CCNF: variants seen among roughly 807,000 people sequenced by gnomAD.
CCNF encodes cyclin-F.
CCNF carries 30 observed loss-of-function variants against 85.4 expected under a neutral mutation model. The observed-to-expected ratio is 0.35, with a 90% CI of 0.26 to 0.48. The LOEUF (loss-of-function observed/expected upper bound fraction) is 0.48. CCNF is among the 20% of genes least tolerant of loss of function. CCNF has a pLI of 0.99. For synonymous variants in CCNF, 439 were observed against 425.1 expected (o/e 1.03, Z -0.40); for missense variants, 919 against 1,010.4 (o/e 0.91, Z 1.23).
At position 2,453,219 on chromosome 16, in the gene CCNF, T is replaced by C. The variant is rs2065404410; in HGVS notation, c.1497T>C (p.Asp499=). The C allele has an allele frequency of 6.2e-7, 1 of 1,613,708 alleles. No homozygotes were observed. Among genetic ancestry groups the C allele is most frequent in the Non-Finnish European group, 8.5e-7 (1 of 1,180,010 alleles). The change falls in exon 14 of 17, where the codon GAT becomes GAC. Residue 499 remains aspartate (D), a synonymous_variant. Coordinates refer to ENST00000397066, the MANE Select transcript of CCNF (RefSeq NM_001761.3). The surrounding 1 kb of genome is among the most constrained non-coding windows in gnomAD (Gnocchi z 5.6). The part of the protein sequence containing the change: ...VLSLHKKCFH[D]DAPKDYRQVS... ...GTGACTCTGTTTCCAGCTTCCATGA[T>C]GACGCCCCCAAGGACTACAGGCAAG...
chr16:2,432,500 C>G lies in CCNF; in HGVS notation c.172-461C>G, dbSNP rs936491987. On this transcript the variant is annotated intron_variant, in intron 2 of 16. Transcript: ENST00000397066. ...CCTGGACACTCCTGCGTTGGCCCAG[C>G]GCTTAGGCTCCGGGTTCTACCTGAG... 3.9e-5 allele frequency among the ~76,000 whole-genome samples: 6 copies of G among 152,260 alleles called. No homozygotes were observed. In the East Asian group the frequency reaches 9.6e-4, roughly 24 times the overall value.
chr16:2,447,299 C>T (rs542388461), intron 10 of CCNF, among the ~76,000 whole-genome samples: 29 of 149,418 alleles, frequency 1.9e-4, no homozygotes, highest in Non-Finnish European at 4.1e-4. Context: ...TTTTTAAATC[C>T]GGGGACCAGG....
At chr16:2,433,201 G>T in intron 3 of CCNF, 134 bp downstream of exon 3, 1 of 609,006 alleles carries the variant, frequency 1.6e-6, no homozygotes, top group Non-Finnish European at 3.0e-6. Context: ...ATACCCTGGG[G>T]AGTGACTGAG....
chr16:2,448,835 A>T lies in CCNF; in HGVS notation c.1095-20A>T, dbSNP rs1462407963. The stretch of plus-strand genomic sequence containing the variant: ...CCCAGGAAGTGGGCTCCACCCTGAG[A>T]CCCCTTCTCGGCGTTGCAGGTTTAT... On this transcript the variant is annotated intron_variant, in intron 10 of 16. Coordinates refer to ENST00000397066, the MANE Select transcript of CCNF (RefSeq NM_001761.3). 1.2e-6 allele frequency: 2 copies of T among 1,611,536 alleles called. No homozygotes were observed. The highest frequency in any genetic ancestry group is 1.7e-6 in the Non-Finnish European group (2 of 1,178,396).
At position 2,451,772 on chromosome 16, in the gene CCNF, C is replaced by T. The variant is rs1567390328; in HGVS notation, c.1488-1438C>T. On this transcript the variant is annotated intron_variant, in intron 13 of 16. Transcript: ENST00000397066. The surrounding 1 kb of genome is among the most constrained non-coding windows in gnomAD (Gnocchi z 4.3). ...TCCCTCCCTCGGGGGCTTCGGCTTCCTGCCCTAGGCCATGCGGCCTAGGTG... is the reference window on the plus strand; with the variant it reads ...TCCCTCCCTCGGGGGCTTCGGCTTCTTGCCCTAGGCCATGCGGCCTAGGTG... Among the ~76,000 whole-genome samples the T allele has an allele frequency of 6.6e-6, 1 of 152,206 alleles. No homozygotes were observed. The highest frequency in any genetic ancestry group is 1.5e-5 in the Non-Finnish European group (1 of 68,026).
intron 1 of CCNF, chr16:2,430,927 T>C (rs774453479): frequency 4.1e-6 from 3 of 738,134 alleles, no homozygotes; most frequent in Non-Finnish European, 7.3e-6. Flanking sequence ...AAATGAATGA[T>C]CTCTTCTGTA....
chr16:2,447,836 C>T (rs979489582), intron 10 of CCNF, among the ~76,000 whole-genome samples: 1 of 152,210 alleles, frequency 6.6e-6, no homozygotes, highest in African/African-American at 2.4e-5. Context: ...ATCTCACACC[C>T]CACGCTGGGC....
At position 2,458,748 on chromosome 16, in the gene CCNF, T is replaced by G. The variant is rs2065446445; in HGVS notation, c.*1728T>G. Reference sequence around the variant, plus strand: ...AACTGTAGACCCGTCCTGTCGACTGTGTGCCCCTGGGCATGTGTGAGCCTC... The same window carrying G: ...AACTGTAGACCCGTCCTGTCGACTGGGTGCCCCTGGGCATGTGTGAGCCTC... On this transcript the variant is annotated 3_prime_UTR_variant, in exon 17 of 17. Transcript: ENST00000397066. 1.3e-5 allele frequency: 2 copies of G among 152,302 alleles called. No homozygotes were observed. Among genetic ancestry groups the G allele is most frequent in the African/African-American group, 4.8e-5 (2 of 41,424 alleles). 9.4% of individuals were successfully genotyped at this position (152,302 alleles called of 1,614,324 possible). A position where few individuals can be genotyped will look rare whatever the true frequency, so the allele number is the denominator to read the frequency against.
intron 2 of CCNF, among the ~76,000 whole-genome samples, chr16:2,431,764 A>G (rs1209573287): frequency 6.6e-6 from 1 of 151,854 alleles, no homozygotes; most frequent in Non-Finnish European, 1.5e-5. Context: ...TTCTGATTAC[A>G]GAAATTCCTA....
chr16:2,439,636 C>G (rs1238294627), intron 7 of CCNF, 113 bp from the exon 8 acceptor site: 1 of 1,004,678 alleles, frequency 1.0e-6, no homozygotes. Flanking sequence ...ATGACTCCAC[C>G]ATTTGAGAGA....
chr16:2,439,709 GAC>G (rs2065311052), intron 7 of CCNF, 38 bp from the exon 8 acceptor site: 1 of 1,564,068 alleles, frequency 6.4e-7, no homozygotes, highest in Non-Finnish European at 8.8e-7. Flanking sequence ...TTCCTCCCAA[GAC>G]ACAGTTGTAC....
chr16:2,440,585 ACT>A (rs1293485867), intron 8 of CCNF, among the ~76,000 whole-genome samples: 2 of 151,812 alleles, frequency 1.3e-5, no homozygotes, highest in Admixed American at 6.6e-5. Context: ...ACAGAGCAAG[ACT>A]CTGTCTGAAG....
chr16:2,441,311 A>G lies in CCNF; in HGVS notation c.777+1485A>G, dbSNP rs1425640437. ...CTCAGGAGGCTGAGGCAGGAGGATC[A>G]CTTGAGCCTGCGAGGTCAAAGCTGC... On this transcript the variant is annotated intron_variant, in intron 8 of 16. Coordinates refer to ENST00000397066, the MANE Select transcript of CCNF (RefSeq NM_001761.3). 2.0e-5 allele frequency among the ~76,000 whole-genome samples: 3 copies of G among 152,212 alleles called. No individual in the cohort carries two copies. In the East Asian group the frequency reaches 5.8e-4, roughly 29 times the overall value.
In CCNF at chr16:2,456,628, G is replaced by T; in HGVS notation, c.1969G>T (p.Glu657Ter). The change falls in exon 17 of 17, where the codon GAG becomes TAG. Residue 657 changes from glutamate (E) to a stop codon, truncating the protein, a stop_gained. Transcript: ENST00000397066. LOFTEE classifies it low-confidence loss of function (END_TRUNC). This position sits in a 1 kb window ranked among gnomAD's most constrained non-coding sequence, Gnocchi z 4.5. ...QHCCQESSDE[E>*]ACPEDKGPQD... ...TTGCTGCCAGGAATCCAGTGATGAG[G>T]AGGCTTGTCCAGAGGACAAGGGACC... 1 of 1,609,998 alleles carries T rather than the reference G, an allele frequency of 6.2e-7. No homozygotes were observed. The highest frequency in any genetic ancestry group is 8.5e-7 in the Non-Finnish European group (1 of 1,178,578).
At chr16:2,454,515 A>G (rs768076060) in intron 15 of CCNF, among the ~76,000 whole-genome samples, 2 of 152,180 alleles carry the variant, frequency 1.3e-5, no homozygotes, top group Admixed American at 6.5e-5. Flanking sequence ...GTCTTCTGAG[A>G]CAGACCCCCA....
chr16:2,449,371 G>T lies in CCNF; in HGVS notation c.1308G>T (p.Glu436Asp). Residue 436 changes from glutamate (E) to aspartate (D), a missense_variant, in exon 12 of 17, where the codon GAG (glutamate) becomes GAT (aspartate). Glu to Asp is a conservative substitution (Grantham distance 45). This residue lies in a region of CCNF where 505 missense variants were observed against 514.8 expected (regional missense o/e 0.98). Coordinates refer to ENST00000397066, the MANE Select transcript of CCNF (RefSeq NM_001761.3). ...RTQHLCSFLC[E>D]LSLLHTSLSA... ...AGCACCTGTGCAGCTTCCTCTGCGAGCTCTCCCTGCTGCACACCAGCCTGT... is the reference window on the plus strand; with the variant it reads ...AGCACCTGTGCAGCTTCCTCTGCGATCTCTCCCTGCTGCACACCAGCCTGT... 2 of 1,613,162 alleles carry T rather than the reference G, an allele frequency of 1.2e-6. No homozygotes were observed. Among genetic ancestry groups the T allele is most frequent in the African/African-American group, 2.7e-5 (2 of 75,058 alleles).
rs1275684857 is a variant in CCNF at position 2,449,321 on chromosome 16, C to T, written c.1258C>T (p.Leu420=). The change falls in exon 12 of 17, where the codon CTA becomes TTA. Residue 420 remains leucine (L), a synonymous_variant. Transcript: ENST00000397066. ...GGATTACAAGGAGGTCCTGCTGACGCTAGTCCCTGTGGAGCTGAGAACCCA... is the reference window on the plus strand; with the variant it reads ...GGATTACAAGGAGGTCCTGCTGACGTTAGTCCCTGTGGAGCTGAGAACCCA... The part of the protein sequence containing the change: ...VVDYKEVLLT[L]VPVELRTQHL... The T allele has an allele frequency of 6.2e-7, 1 of 1,613,906 alleles. No individual in the cohort carries two copies. Among genetic ancestry groups the T allele is most frequent in the Non-Finnish European group, 8.5e-7 (1 of 1,179,964 alleles).
chr16:2,450,049 A>C, intron 13 of CCNF, 134 bp downstream of exon 13: 1 of 693,520 alleles, frequency 1.4e-6, no homozygotes. Flanking sequence ...TCTACTAAAA[A>C]TACAAAAATT....
chr16:2,445,547 G>A lies in CCNF; in HGVS notation c.1019G>A (p.Arg340Gln), dbSNP rs757188816. The A allele has an allele frequency of 8.1e-6, 13 of 1,613,934 alleles. No homozygotes were observed. Among genetic ancestry groups the A allele is most frequent in the East Asian group, 6.7e-5 (3 of 44,892 alleles). ...CACCTGACCGTGGAGTGTGTGGACCGGTACCTGCGGAGGAGGCTGGTGCCG... is the reference window on the plus strand; with the variant it reads ...CACCTGACCGTGGAGTGTGTGGACCAGTACCTGCGGAGGAGGCTGGTGCCG... ...CLHLTVECVDRYLRRRLVPRY... is the reference protein window; with the variant it reads ...CLHLTVECVDQYLRRRLVPRY... Residue 340 changes from arginine to glutamine, a missense_variant, in exon 10 of 17, where the codon CGG becomes CAG. Physicochemically the swap from Arg to Gln is conservative, Grantham distance 43 (BLOSUM62 1). Transcript: ENST00000397066.
Sources: allele counts gnomAD v4.1 joint callset (sites outside exome capture counted in the v4.1 genomes callset), GRCh38; gene constraint gnomAD v4.1.1; regional missense constraint gnomAD v4.1.1; non-coding constraint Gnocchi (gnomAD v3.1); transcripts MANE v1.5; gene names NCBI Gene and HGNC (gene_info 2026-07-23, HGNC 2026-07-21).